Variants in RB1 observed in about 807,000 individuals in gnomAD.
RB1 encodes RB transcriptional corepressor 1, also known as retinoblastoma-associated protein.
RB1 carries 18 observed loss-of-function variants against 135.4 expected under a neutral mutation model. That is an observed-to-expected ratio of 0.13 (90% CI 0.09 to 0.20). RB1 has a LOEUF of 0.20. Among genes scored for constraint, RB1 ranks in the 10% least tolerant of loss-of-function variants. The pLI is 1.00. For missense variants in RB1, 868 were observed against 1,110.0 expected (o/e 0.78, Z 3.10); for synonymous variants, 365 against 373.2 (o/e 0.98, Z 0.25).
At chr13:48,452,489 T>C (rs1949333978) in intron 17 of RB1, among the ~76,000 whole-genome samples, 1 of 152,136 alleles carries the variant, frequency 6.6e-6, no homozygotes. Flanking sequence ...TATAAAATTA[T>C]TCATAATAAT....
At chr13:48,387,900 C>T (rs890366324) in intron 17 of RB1, among the ~76,000 whole-genome samples, 2 of 152,104 alleles carry the variant, frequency 1.3e-5, no homozygotes, top group African/African-American at 4.8e-5. Context: ...TTCTCTTCCC[C>T]ACTCAGACTT....
chr13:48,317,968 A>G (rs1952200561), intron 2 of RB1: 1 of 447,614 alleles, frequency 2.2e-6, no homozygotes, highest in African/African-American at 1.9e-5. Context: ...AAAACTTACT[A>G]ATCTACAGTT....
chr13:48,423,203 T>G (rs1267731275), intron 17 of RB1, among the ~76,000 whole-genome samples: 1 of 152,200 alleles, frequency 6.6e-6, no homozygotes, highest in African/African-American at 2.4e-5. Flanking sequence ...TTTTTAAAAT[T>G]TAATGACATC....
chr13:48,326,221 C>T (rs943248490), intron 2 of RB1, among the ~76,000 whole-genome samples: 1 of 151,914 alleles, frequency 6.6e-6, no homozygotes, highest in Non-Finnish European at 1.5e-5. Context: ...TTGAATAAAT[C>T]GAATACATAA....
chr13:48,479,629 CTG>C (rs1949524944), intron 26 of RB1, among the ~76,000 whole-genome samples: 1 of 150,944 alleles, frequency 6.6e-6, no homozygotes, highest in African/African-American at 2.4e-5. Flanking sequence ...TTGGAGACCA[CTG>C]TTTTTTTGGG....
rs747897136 is a variant in RB1, at chr13:48,307,428, T to G, written c.264+22T>G. ...ATTGGTAAGGATTTTCTTAAAACGT[T>G]TTGAAATTTTTTTTTCTCATTTTAA... On this transcript the variant is annotated intron_variant, in intron 2 of 26. Coordinates refer to ENST00000267163, the MANE Select transcript of RB1 (RefSeq NM_000321.3). 11 of 1,608,980 alleles carry G rather than the reference T, an allele frequency of 6.8e-6. No individual in the cohort carries two copies. Among genetic ancestry groups the G allele is most frequent in the Non-Finnish European group, 9.3e-6 (11 of 1,177,226 alleles).
intron 21 of RB1, among the ~76,000 whole-genome samples, chr13:48,464,693 A>G (rs917351041): frequency 4.0e-5 from 6 of 151,344 alleles, no homozygotes; most frequent in African/African-American, 7.3e-5. Flanking sequence ...CAGTCTATCT[A>G]CTCCTCTCTT....
rs567943933 is a variant in RB1, at chr13:48,342,244, TTA to T, written c.265-351_265-350del. Among the ~76,000 whole-genome samples, 311 of 151,934 alleles carry T rather than the reference TTA, an allele frequency of 2.0e-3. 2 individuals are homozygous for T. Among genetic ancestry groups the T allele is most frequent in the African/African-American group, 7.1e-3 (293 of 41,492 alleles). ...CGTGGGCTTGTTTTTTTCAAACAAA[TTA>T]TATGTTATGGACTCTAGATCTCTTA... is the stretch of plus-strand genomic sequence containing the variant. On this transcript the variant is annotated intron_variant, in intron 2 of 26. Transcript: ENST00000267163.
rs773548137 is a variant in RB1, at chr13:48,457,685, T to TC, written c.1960+1343dup. Reference sequence around the variant, plus strand: ...GCTGCCCTCAGCCCCCGCCTCGGCTTCCCCCCCGTGCTCGTCAGCGCCCAA... The same window carrying TC: ...GCTGCCCTCAGCCCCCGCCTCGGCTTCCCCCCCCGTGCTCGTCAGCGCCCAA... On this transcript the variant is annotated intron_variant, in intron 19 of 26. Coordinates refer to ENST00000267163, the MANE Select transcript of RB1 (RefSeq NM_000321.3). 3.3e-3 allele frequency among the ~76,000 whole-genome samples: 508 copies of TC among 152,166 alleles called. 4 individuals carry two copies. The highest frequency in any genetic ancestry group is 9.5e-3 in the African/African-American group (393 of 41,522).
chr13:48,439,665 G>C (rs1364124918), intron 17 of RB1: 1 of 152,148 alleles, frequency 6.6e-6, no homozygotes, highest in African/African-American at 2.4e-5. Flanking sequence ...TCTTCTGTCA[G>C]CTATTGAATG....
chr13:48,332,941 A>T, intron 2 of RB1: 1 of 397,812 alleles, frequency 2.5e-6, no homozygotes, highest in Non-Finnish European at 4.4e-6. Context: ...AGTAACAATG[A>T]CTAAGAAAAT....
At chr13:48,328,554 A>G (rs1264452639) in intron 2 of RB1, 5 of 714,156 alleles carry the variant, frequency 7.0e-6, no homozygotes, top group Non-Finnish European at 1.3e-5. Context: ...CCGCCTTCCC[A>G]TCAGCCATTT....
At position 48,456,253 on chromosome 13, in the gene RB1, G is replaced by T; in HGVS notation, c.1864G>T (p.Val622Leu). ...AAAGAAAAAAGGTTCAACTACGCGT[G>T]TAAATTCTACTGCAAATGCAGAGAC... ...SPKKKGSTTR[V>L]NSTANAETQA... Residue 622 changes from valine (V) to leucine (L), a missense_variant, in exon 19 of 27, where the codon GTA (valine) becomes TTA (leucine). Transcript: ENST00000267163. 1 of 1,614,196 alleles carries T rather than the reference G, an allele frequency of 6.2e-7. No individual in the cohort carries two copies. The highest frequency in any genetic ancestry group is 1.1e-5 in the South Asian group (1 of 91,088).
intron 2 of RB1, chr13:48,318,841 TC>T: frequency 2.0e-6 from 2 of 990,364 alleles, no homozygotes; most frequent in Non-Finnish European, 1.6e-6. Context: ...GCCAGCAAAC[TC>T]CCCGACTATG....
chr13:48,360,289 A>T, intron 7 of RB1, 162 bp downstream of exon 7: 2 of 1,416,068 alleles, frequency 1.4e-6, no homozygotes, highest in Non-Finnish European at 1.9e-6. Flanking sequence ...GAAAGATAAG[A>T]CATGGAAACA....
At chr13:48,323,486 TTTTC>T (rs1566180451) in intron 2 of RB1, among the ~76,000 whole-genome samples, 1 of 151,952 alleles carries the variant, frequency 6.6e-6, no homozygotes, top group African/African-American at 2.4e-5. Flanking sequence ...TTTCATTGAT[TTTTC>T]TTTATTTCTC....
rs1952224138 is a variant in RB1 at position 48,320,387 on chromosome 13, A to C, written c.264+12981A>C. On this transcript the variant is annotated intron_variant, in intron 2 of 26. Transcript: ENST00000267163. ...ACCCCCTCGTCAGCCTCCGAGAAGCACCCGGGGAACCTAAAGCTCCCTGGT... is the reference window on the plus strand; with the variant it reads ...ACCCCCTCGTCAGCCTCCGAGAAGCCCCCGGGGAACCTAAAGCTCCCTGGT... 4.2e-6 allele frequency: 5 copies of C among 1,185,630 alleles called. No individual in the cohort carries two copies. In the East Asian group the frequency reaches 1.2e-4, roughly 28 times the overall value. The allele number at this position is 1,185,630 out of a possible 1,614,324, so 73.4% of individuals were successfully genotyped here.
chr13:48,309,490 G>T (rs1952113758), intron 2 of RB1, among the ~76,000 whole-genome samples: 2 of 152,150 alleles, frequency 1.3e-5, no homozygotes, highest in African/African-American at 4.8e-5. Flanking sequence ...TATCTTGAAT[G>T]TATGACTTGG....
intron 7 of RB1, among the ~76,000 whole-genome samples, chr13:48,361,549 A>G (rs962222660): frequency 1.3e-5 from 2 of 152,196 alleles, no homozygotes; most frequent in African/African-American, 2.4e-5. Context: ...TACTTTTTAA[A>G]AAGCATAATT....
Sources: gnomAD v4.1 joint callset for allele counts (sites outside exome capture counted in the v4.1 genomes callset) on GRCh38, gnomAD v4.1.1 for gene constraint, MANE v1.5 for transcripts, NCBI Gene and HGNC (gene_info 2026-07-23, HGNC 2026-07-21) for gene names.